Variants in ATP12A observed in about 807,000 individuals in gnomAD.
ATP12A encodes the protein potassium-transporting ATPase alpha chain 2.
ATP12A carries 81 observed loss-of-function variants against 111.2 expected under a neutral mutation model. The ratio of observed to expected loss-of-function variants is 0.73; its 90% CI spans 0.61 to 0.88. The LOEUF is 0.88. Ranked by LOEUF, ATP12A falls within the 40% of genes least tolerant of loss-of-function variation. ATP12A has a pLI of 0.00. For synonymous variants in ATP12A, 498 were observed against 499.8 expected (o/e 1.00, Z 0.05); for missense variants, 1,196 against 1,313.1 (o/e 0.91, Z 1.38).
intron 12 of ATP12A, among the ~76,000 whole-genome samples, chr13:24,699,431 G>A (rs1466175553): frequency 6.6e-6 from 1 of 152,186 alleles, no homozygotes; most frequent in Non-Finnish European, 1.5e-5. Flanking sequence ...GCAGCAGGGA[G>A]AGGAGAGATG....
At position 24,706,386 on chromosome 13, in the gene ATP12A, G is replaced by T. The variant is rs746508142; in HGVS notation, c.2092G>T (p.Ala698Ser). 6.8e-6 allele frequency: 11 copies of T among 1,614,114 alleles called. No individual in the cohort carries two copies. The East Asian group carries it at 2.4e-4, about 36-fold the overall frequency. Reference protein sequence around the residue: ...MSSEQLDEILANYQEIVFART... With the variant: ...MSSEQLDEILSNYQEIVFART... Reference sequence around the variant, plus strand: ...CTCAGAACAGCTGGATGAGATCTTAGCCAACTACCAGGAGATTGTCTTTGC... The same window carrying T: ...CTCAGAACAGCTGGATGAGATCTTATCCAACTACCAGGAGATTGTCTTTGC... Residue 698 changes from alanine to serine, a missense_variant, in exon 15 of 23, where the codon GCC becomes TCC. Coordinates refer to ENST00000381946, the MANE Select transcript of ATP12A (RefSeq NM_001676.7).
intron 3 of ATP12A, among the ~76,000 whole-genome samples, chr13:24,687,397 G>A (rs761265491): frequency 2.0e-5 from 3 of 152,156 alleles, no homozygotes; most frequent in Non-Finnish European, 4.4e-5. Flanking sequence ...CCAGGAGGAG[G>A]AGGTTGCAGT....
At chr13:24,708,962 AAG>A (rs1491515568) in intron 17 of ATP12A, among the ~76,000 whole-genome samples, 6 of 97,518 alleles carry the variant, frequency 6.2e-5, no homozygotes, top group East Asian at 3.0e-4. Context: ...AGAAAGAAAG[AAG>A]GAAAGAGAAA....
chr13:24,686,164 C>CGTG, intron 3 of ATP12A, among the ~76,000 whole-genome samples: 1 of 152,308 alleles, frequency 6.6e-6, no homozygotes, highest in South Asian at 2.1e-4. Flanking sequence ...AGGGGCCAGA[C>CGTG]GTGGTGGCTC....
chr13:24,685,250 A>G lies in ATP12A; in HGVS notation c.169-64A>G. ...ACTCCCAGCTTCCATGGCTGGTCAAAGCTTGGGGCTTGAGTCTTTTGGAAT... is the reference window on the plus strand; with the variant it reads ...ACTCCCAGCTTCCATGGCTGGTCAAGGCTTGGGGCTTGAGTCTTTTGGAAT... On this transcript the variant is annotated intron_variant, in intron 2 of 22. Transcript: ENST00000381946. The surrounding 1 kb of genome is among the most constrained non-coding windows in gnomAD (Gnocchi z 5.5). 1.3e-6 allele frequency: 2 copies of G among 1,527,664 alleles called. No individual in the cohort carries two copies. The highest frequency in any genetic ancestry group is 1.8e-6 in the Non-Finnish European group (2 of 1,101,594). 94.6% of individuals were successfully genotyped at this position (1,527,664 alleles called of 1,614,324 possible).
At chr13:24,707,226 G>T in intron 16 of ATP12A, 35 bp downstream of exon 16, 1 of 1,613,608 alleles carries the variant, frequency 6.2e-7, no homozygotes. Context: ...CCAAGGGCCA[G>T]GGTGGTCTGG....
intron 3 of ATP12A, among the ~76,000 whole-genome samples, chr13:24,686,142 G>A (rs1388549849): frequency 1.3e-5 from 2 of 152,088 alleles, no homozygotes; most frequent in East Asian, 1.9e-4. Context: ...AAATAATGTC[G>A]AAAGACATTA....
At position 24,710,602 on chromosome 13, in the gene ATP12A, T is replaced by C; in HGVS notation, c.2897+9T>C. On this transcript the variant is annotated intron_variant, in intron 20 of 22. Coordinates refer to ENST00000381946, the MANE Select transcript of ATP12A (RefSeq NM_001676.7). ...CAGCAGGGTCTCTTCAGGTACTGCCTGTGCCCGGCCTCCTGGGGCAGCCCT... is the reference window on the plus strand; with the variant it reads ...CAGCAGGGTCTCTTCAGGTACTGCCCGTGCCCGGCCTCCTGGGGCAGCCCT... 1 of 1,613,976 alleles carries C rather than the reference T, an allele frequency of 6.2e-7. No individual in the cohort carries two copies. The highest frequency in any genetic ancestry group is 1.1e-5 in the South Asian group (1 of 91,068).
In ATP12A at chr13:24,696,631, G is replaced by C. The variant is rs1247143406; in HGVS notation, c.1513-2027G>C. Among the ~76,000 whole-genome samples, 3 of 118,952 alleles carry C rather than the reference G, an allele frequency of 2.5e-5. 1 individual carries two copies. The highest frequency in any genetic ancestry group is 5.2e-5 in the Non-Finnish European group (3 of 57,806). The allele number at this position is 118,952 out of a possible 152,430, so 78.0% of individuals were successfully genotyped here. Reference sequence around the variant, plus strand: ...GGAGGCTGAGGCAGGAGAATGGCGTGAACCCGGGAAGCGGAGCTTGCAGTG... The same window carrying C: ...GGAGGCTGAGGCAGGAGAATGGCGTCAACCCGGGAAGCGGAGCTTGCAGTG... On this transcript the variant is annotated intron_variant, in intron 11 of 22. Transcript: ENST00000381946.
At chr13:24,708,943 AAG>A (rs1442494961) in intron 17 of ATP12A, among the ~76,000 whole-genome samples, 3 of 140,258 alleles carry the variant, frequency 2.1e-5, no homozygotes, top group Non-Finnish European at 4.6e-5. Flanking sequence ...GAAAGAAAGA[AAG>A]AAAGAAAGAA....
In ATP12A at chr13:24,692,417, C is replaced by G; in HGVS notation, c.1069-12C>G. On this transcript the variant is annotated splice_polypyrimidine_tract_variant and intron_variant, in intron 8 of 22. Coordinates refer to ENST00000381946, the MANE Select transcript of ATP12A (RefSeq NM_001676.7). ...AGGATTTTTCCCAAAGCGTCCTTCC[C>G]TCTCCTGCTAGGTGACCCTGTCGCT... The G allele has an allele frequency of 6.2e-7, 1 of 1,612,694 alleles. No individual in the cohort carries two copies.
intron 11 of ATP12A, among the ~76,000 whole-genome samples, chr13:24,695,190 G>A (rs12873366): frequency 0.046 from 6,952 of 152,344 alleles, 213 homozygotes; most frequent in South Asian, 0.12. Context: ...CAGAGGGAGT[G>A]CGGCACAGTT....
At position 24,692,280 on chromosome 13, in the gene ATP12A, C is replaced by T. The variant is rs532110167; in HGVS notation, c.1069-149C>T. 4.3e-5 allele frequency: 34 copies of T among 789,080 alleles called. No homozygotes were observed. The East Asian group carries it at 7.6e-4, about 18-fold the overall frequency. The allele number at this position is 789,080 out of a possible 1,614,324, so 48.9% of individuals were successfully genotyped here. A position where few individuals can be genotyped will look rare whatever the true frequency, so the allele number is the denominator to read the frequency against. On this transcript the variant is annotated intron_variant, in intron 8 of 22. Transcript: ENST00000381946. ...GGCGGCGTATAAGCCACCAGGTCAG[C>T]TTAGCTGCGCTGACAACCACACCTC...
chr13:24,698,471 G>A (rs1245486312), intron 11 of ATP12A, among the ~76,000 whole-genome samples, 187 bp from the exon 12 acceptor site: 2 of 152,054 alleles, frequency 1.3e-5, no homozygotes, highest in Non-Finnish European at 2.9e-5. Context: ...ATCCAGAGTG[G>A]GTGCCCCACT....
At chr13:24,682,976 G>A (rs773693886) in intron 2 of ATP12A, among the ~76,000 whole-genome samples, 18 of 110,746 alleles carry the variant, frequency 1.6e-4, no homozygotes, top group Non-Finnish European at 3.1e-4. Flanking sequence ...TTTTTTTTGA[G>A]ACAGAGTTTC....
rs1328452005 is a variant in ATP12A, at chr13:24,686,512, G to A, written c.228+1139G>A. Among the ~76,000 whole-genome samples the A allele has an allele frequency of 4.0e-5, 6 of 151,772 alleles. 1 individual carries two copies. The East Asian group carries it at 9.7e-4, about 25-fold the overall frequency. On this transcript the variant is annotated intron_variant, in intron 3 of 22. Coordinates refer to ENST00000381946, the MANE Select transcript of ATP12A (RefSeq NM_001676.7). ...TCCCAGCACTTTAGGAGGCCAAGAC[G>A]GGCGGATCACGAGGTCAGGAGATCG...
chr13:24,688,038 G>C (rs774090187), intron 3 of ATP12A, among the ~76,000 whole-genome samples: 1 of 152,134 alleles, frequency 6.6e-6, no homozygotes, highest in Admixed American at 6.5e-5. Context: ...TGCGAATGAC[G>C]AGAGGGAGGA....
At chr13:24,710,201 T>C (rs916460843) in intron 19 of ATP12A, among the ~76,000 whole-genome samples, 1 of 152,196 alleles carries the variant, frequency 6.6e-6, no homozygotes, top group African/African-American at 2.4e-5. Flanking sequence ...GCCCAGGAGT[T>C]TGAGACCAGC....
chr13:24,707,160 C>T lies in ATP12A; in HGVS notation c.2307C>T (p.Asn769=). 1 of 1,614,066 alleles carries T rather than the reference C, an allele frequency of 6.2e-7. No individual in the cohort carries two copies. Among genetic ancestry groups the T allele is most frequent in the Non-Finnish European group, 8.5e-7 (1 of 1,179,938 alleles). ...NAADMVLLDD[N]FASIVTGVEE... ...CCGACATGGTCTTGCTGGACGACAA[C>T]TTCGCATCCATCGTCACAGGGGTGG... The change falls in exon 16 of 23, where the codon AAC becomes AAT. Residue 769 remains asparagine, a synonymous_variant. Transcript: ENST00000381946.
Sources: allele counts gnomAD v4.1 joint callset (sites outside exome capture counted in the v4.1 genomes callset), GRCh38; gene constraint gnomAD v4.1.1; non-coding constraint Gnocchi (gnomAD v3.1); transcripts MANE v1.5; gene names NCBI Gene and HGNC (gene_info 2026-07-23, HGNC 2026-07-21).